Variants in MAPKAPK5 observed in about 807,000 individuals in gnomAD.
MAPKAPK5 encodes MAPK activated protein kinase 5, also known as MAP kinase-activated protein kinase 5.
In MAPKAPK5, 30 loss-of-function variants were observed where a neutral mutation model predicts 65.1. The ratio of observed to expected loss-of-function variants is 0.46; its 90% confidence interval spans 0.34 to 0.63. The LOEUF (loss-of-function observed/expected upper bound fraction) is 0.63. Ranked by LOEUF, MAPKAPK5 falls within the 20% of genes least tolerant of loss-of-function variation. The pLI is 0.01. For missense variants in MAPKAPK5, 433 were observed against 581.4 expected, an observed-to-expected ratio of 0.74 and a Z score of 2.63; for synonymous variants, 179 against 204.6, an observed-to-expected ratio of 0.87 and a Z score of 1.07.
chr12:111,865,196 A>T (rs2069560262), intron 1 of MAPKAPK5, 54 bp from the exon 2 acceptor site: 1 of 1,132,352 alleles, frequency 8.8e-7, no homozygotes, highest in Non-Finnish European at 1.3e-6. Flanking sequence ...CTGCTTATTC[A>T]GTTTGTTAAC....
chr12:111,893,175 CTGTATAGA>C lies in MAPKAPK5; in HGVS notation c.*116_*123del. 1.3e-6 allele frequency: 1 copy of C among 753,628 alleles called. No individual in the cohort carries two copies. Among genetic ancestry groups the C allele is most frequent in the Non-Finnish European group, 2.0e-6 (1 of 493,122 alleles). 46.7% of individuals were successfully genotyped at this position (753,628 alleles called of 1,614,324 possible). On this transcript the variant is annotated 3_prime_UTR_variant, in exon 14 of 14. Transcript: ENST00000550735. ...TTCATTTCCACATTGATTAAAGCTG[CTGTATAGA>C]TTTAGGGTGCAGGACTTAATAATAG...
chr12:111,855,500 T>C (rs1425375670), intron 1 of MAPKAPK5, among the ~76,000 whole-genome samples: 1 of 152,194 alleles, frequency 6.6e-6, no homozygotes, highest in Non-Finnish European at 1.5e-5. Flanking sequence ...TAATATCTCA[T>C]GTTAAATCTT....
At chr12:111,852,622 G>A (rs1289092795) in intron 1 of MAPKAPK5, among the ~76,000 whole-genome samples, 1 of 152,174 alleles carries the variant, frequency 6.6e-6, no homozygotes, top group Non-Finnish European at 1.5e-5. Flanking sequence ...CAGGGTGTCA[G>A]TGCCCTTAAC....
chr12:111,890,524 G>A (rs998116616), intron 13 of MAPKAPK5, among the ~76,000 whole-genome samples: 5 of 152,276 alleles, frequency 3.3e-5, no homozygotes, highest in South Asian at 4.1e-4. Context: ...AAGTGCCAGC[G>A]AGTCCACCCT....
In MAPKAPK5 at chr12:111,887,134, C is replaced by T. The variant is rs368117639; in HGVS notation, c.969+1098C>T. On this transcript the variant is annotated intron_variant, in intron 10 of 13. Coordinates refer to ENST00000550735, the MANE Select transcript of MAPKAPK5 (RefSeq NM_003668.4). Reference sequence around the variant, plus strand: ...CCATAGTGTGGCTGTGAGCTCAAAGCGGTGACACAGACTTGAGTGTTAACA... The same window carrying T: ...CCATAGTGTGGCTGTGAGCTCAAAGTGGTGACACAGACTTGAGTGTTAACA... Among the ~76,000 whole-genome samples the T allele has an allele frequency of 1.5e-4, 23 of 152,106 alleles. 1 individual carries two copies. Among genetic ancestry groups the T allele is most frequent in the African/African-American group, 5.1e-4 (21 of 41,508 alleles).
At chr12:111,880,751 A>G (rs542430175) in intron 8 of MAPKAPK5, among the ~76,000 whole-genome samples, 1 of 152,238 alleles carries the variant, frequency 6.6e-6, no homozygotes, top group Non-Finnish European at 1.5e-5. Flanking sequence ...TTGGAATTCA[A>G]GTTTTTGTTT....
At chr12:111,889,856 G>A in intron 12 of MAPKAPK5, 184 bp from the exon 13 acceptor site, 1 of 535,606 alleles carries the variant, frequency 1.9e-6, no homozygotes, top group Non-Finnish European at 3.4e-6. Flanking sequence ...GAGTAAAAAA[G>A]AGTCCACATA....
intron 1 of MAPKAPK5, among the ~76,000 whole-genome samples, chr12:111,847,241 G>A (rs570183914): frequency 3.3e-5 from 5 of 151,868 alleles, no homozygotes; most frequent in East Asian, 3.9e-4. Context: ...CCAGCTACTC[G>A]GGAGGCTGAG....
rs1478409280 is a variant in MAPKAPK5 at position 111,900,121 on chromosome 12, AG to A, written c.*7065del. 12 of 456,030 alleles carry A rather than the reference AG, an allele frequency of 2.6e-5. No homozygotes were observed. The highest frequency in any genetic ancestry group is 2.4e-4 in the African/African-American group (12 of 50,176). The allele number at this position is 456,030 out of a possible 1,614,324, so 28.2% of individuals were successfully genotyped here. On this transcript the variant is annotated 3_prime_UTR_variant, in exon 14 of 14. Coordinates refer to ENST00000550735, the MANE Select transcript of MAPKAPK5 (RefSeq NM_003668.4). ...CTGGCTGGAATGGAGATTTGGACCGAGGGGGACCTAATAGATGTCACAGTGG... is the reference window on the plus strand; with the variant it reads ...CTGGCTGGAATGGAGATTTGGACCGAGGGGACCTAATAGATGTCACAGTGG...
intron 1 of MAPKAPK5, among the ~76,000 whole-genome samples, chr12:111,854,720 AT>A: frequency 6.6e-6 from 1 of 152,334 alleles, no homozygotes; most frequent in Non-Finnish European, 1.5e-5. Flanking sequence ...ATCTGGAGAC[AT>A]TTTTGGTTAT....
At chr12:111,882,628 T>C (rs974413847) in intron 8 of MAPKAPK5, among the ~76,000 whole-genome samples, 1 of 152,186 alleles carries the variant, frequency 6.6e-6, no homozygotes, top group African/African-American at 2.4e-5. Context: ...TGCAGTGATA[T>C]AGGCCATGGA....
At chr12:111,856,314 TTAAGAC>T (rs2069238601) in intron 1 of MAPKAPK5, among the ~76,000 whole-genome samples, 1 of 152,206 alleles carries the variant, frequency 6.6e-6, no homozygotes, top group Non-Finnish European at 1.5e-5. Flanking sequence ...CCATTTCAGA[TTAAGAC>T]TAACTTTAAA....
Position 111,901,566 on chromosome 12 carries a change from C to T in MAPKAPK5, c.*8505C>T. On this transcript the variant is annotated 3_prime_UTR_variant, in exon 14 of 14. Transcript: ENST00000550735. ...TCACCAGAGGCTGCCCCGGCAGAAG[C>T]TCCTCCAGCAGTGGCTCCACCACCG... 3.0e-6 allele frequency: 1 copy of T among 333,096 alleles called. No homozygotes were observed. The highest frequency in any genetic ancestry group is 5.9e-6 in the Non-Finnish European group (1 of 169,364). 20.6% of individuals were successfully genotyped at this position (333,096 alleles called of 1,614,324 possible). A position where few individuals can be genotyped will look rare whatever the true frequency, so the allele number is the denominator to read the frequency against.
Position 111,898,909 on chromosome 12 carries a change from C to G in MAPKAPK5, c.*5848C>G, listed in dbSNP as rs2070918649. On this transcript the variant is annotated 3_prime_UTR_variant, in exon 14 of 14. Transcript: ENST00000550735. ...GATTAATGGATATCAAGTTGTGTGG[C>G]CTGAGCTGAGGATAAAGAATAATTT... is the stretch of plus-strand genomic sequence containing the variant. 1 of 143,364 alleles carries G rather than the reference C, an allele frequency of 7.0e-6. No individual in the cohort carries two copies. Among genetic ancestry groups the G allele is most frequent in the South Asian group, 2.2e-4 (1 of 4,510 alleles). 8.9% of individuals were successfully genotyped at this position (143,364 alleles called of 1,614,324 possible).
chr12:111,845,932 A>G (rs746370641), intron 1 of MAPKAPK5, among the ~76,000 whole-genome samples: 1 of 152,182 alleles, frequency 6.6e-6, no homozygotes, highest in Non-Finnish European at 1.5e-5. Context: ...CAAAAAAATA[A>G]TAATACCTAA....
chr12:111,866,359 C>A, intron 3 of MAPKAPK5, 128 bp downstream of exon 3: 1 of 705,190 alleles, frequency 1.4e-6, no homozygotes, highest in Non-Finnish European at 2.3e-6. Context: ...CTTTACCTCT[C>A]TTCCCCATTC....
intron 1 of MAPKAPK5, among the ~76,000 whole-genome samples, chr12:111,858,314 A>G (rs1380149131): frequency 6.6e-6 from 1 of 151,988 alleles, no homozygotes; most frequent in Non-Finnish European, 1.5e-5. Flanking sequence ...ACTGTTCATC[A>G]AGTTGGGGAA....
intron 1 of MAPKAPK5, among the ~76,000 whole-genome samples, chr12:111,846,105 G>A (rs997997640): frequency 3.3e-5 from 5 of 152,056 alleles, no homozygotes; most frequent in African/African-American, 1.2e-4. Context: ...CGCTAATTTG[G>A]GCATTTCCAG....
intron 1 of MAPKAPK5, among the ~76,000 whole-genome samples, chr12:111,849,971 A>C (rs939420820): frequency 6.6e-6 from 1 of 151,808 alleles, no homozygotes; most frequent in African/African-American, 2.4e-5. Flanking sequence ...CAGTCGTCAC[A>C]CTTTGGCCTT....
Sources: gnomAD v4.1 joint callset for allele counts (sites outside exome capture counted in the v4.1 genomes callset) on GRCh38, gnomAD v4.1.1 for gene constraint, MANE v1.5 for transcripts, NCBI Gene and HGNC (gene_info 2026-07-23, HGNC 2026-07-21) for gene names.